SLC40A1: variants seen among roughly 807,000 people sequenced by gnomAD.
SLC40A1 encodes ferroportin.
Under a neutral mutation model 53.5 loss-of-function variants are expected in SLC40A1, and 16 were observed. That is an observed-to-expected ratio of 0.30 (90% CI 0.20 to 0.45). The LOEUF (loss-of-function observed/expected upper bound fraction) is 0.45. SLC40A1 is among the 20% of genes least tolerant of loss of function. SLC40A1 has a pLI of 1.00. For synonymous variants in SLC40A1, 247 were observed against 253.2 expected (o/e 0.98, Z 0.23); for missense variants, 545 against 695.4 (o/e 0.78, Z 2.43).
At chr2:189,573,525 C>T (rs1296786584) in intron 3 of SLC40A1, among the ~76,000 whole-genome samples, 3 of 152,178 alleles carry the variant, frequency 2.0e-5, no homozygotes, top group Non-Finnish European at 4.4e-5. Context: ...TCACAGATGG[C>T]AATTCTCTTA....
chr2:189,579,786 G>C (rs536804814), intron 2 of SLC40A1, 27 bp downstream of exon 2: 12 of 1,598,900 alleles, frequency 7.5e-6, no homozygotes, highest in Admixed American at 5.0e-5. Context: ...GCGCAACTGT[G>C]TTGTAAGACT....
intron 3 of SLC40A1, 73 bp from the exon 4 acceptor site, chr2:189,573,034 T>C (rs559264131): frequency 2.0e-6 from 2 of 1,020,210 alleles, no homozygotes; most frequent in African/African-American, 3.2e-5. Flanking sequence ...CCACACATAA[T>C]TGTTCTACTA....
At chr2:189,575,393 C>T in intron 2 of SLC40A1, 73 bp from the exon 3 acceptor site, 15 of 1,527,980 alleles carry the variant, frequency 9.8e-6, no homozygotes, top group Non-Finnish European at 1.3e-5. Flanking sequence ...GAAGTTGCTT[C>T]CTTATCAAAA....
chr2:189,576,086 C>T (rs568620751), intron 2 of SLC40A1, among the ~76,000 whole-genome samples: 3 of 152,196 alleles, frequency 2.0e-5, no homozygotes, highest in East Asian at 1.9e-4. Context: ...AGTTCATTAC[C>T]GTGAAATGTG....
chr2:189,561,689 C>T lies in SLC40A1; in HGVS notation c.*189G>A, dbSNP rs1559009322. The T allele has an allele frequency of 3.4e-6, 2 of 585,896 alleles. No homozygotes were observed. The highest frequency in any genetic ancestry group is 6.0e-6 in the Non-Finnish European group (2 of 332,282). The allele number at this position is 585,896 out of a possible 1,614,324, so 36.3% of individuals were successfully genotyped here. A position where few individuals can be genotyped will look rare whatever the true frequency, so the allele number is the denominator to read the frequency against. ...TTTCTTTTCCAATTTTTTTTCCATG[C>T]CTCAACATAAGGGAAATTAATCAGT... On this transcript the variant is annotated 3_prime_UTR_variant, in exon 8 of 8. Transcript: ENST00000261024.
In SLC40A1 at chr2:189,575,395, T is replaced by A. The variant is rs2031257913; in HGVS notation, c.112-75A>T. 2.4e-5 allele frequency: 35 copies of A among 1,482,696 alleles called. No individual in the cohort carries two copies. The South Asian group carries it at 3.9e-4, about 16-fold the overall frequency. The allele number at this position is 1,482,696 out of a possible 1,614,324, so 91.8% of individuals were successfully genotyped here. On this transcript the variant is annotated intron_variant, in intron 2 of 7. Transcript: ENST00000261024. ...CTATTGTACTCAGGAAGTTGCTTCCTTATCAAAAGGGCACTTCCTGGCTAC... is the reference window on the plus strand; with the variant it reads ...CTATTGTACTCAGGAAGTTGCTTCCATATCAAAAGGGCACTTCCTGGCTAC...
At position 189,575,422 on chromosome 2, in the gene SLC40A1, T is replaced by C. The variant is rs190830424; in HGVS notation, c.112-102A>G. The C allele has an allele frequency of 2.8e-6, 3 of 1,075,162 alleles. No homozygotes were observed. The East Asian group carries it at 7.4e-5, about 26-fold the overall frequency. The allele number at this position is 1,075,162 out of a possible 1,614,324, so 66.6% of individuals were successfully genotyped here. ...ATCAAAAGGGCACTTCCTGGCTACA[T>C]TATGAGACTTTCAAAGTCAGTAATT... On this transcript the variant is annotated intron_variant, in intron 2 of 7. Transcript: ENST00000261024.
intron 2 of SLC40A1, among the ~76,000 whole-genome samples, chr2:189,578,843 C>T (rs1157760609): frequency 6.6e-6 from 1 of 152,164 alleles, no homozygotes; most frequent in Non-Finnish European, 1.5e-5. Context: ...TGTAGCTTAA[C>T]AATTTCTCAA....
rs373811309 is a variant in SLC40A1, at chr2:189,560,823, A to G, written c.*1055T>C. The G allele has an allele frequency of 6.5e-6, 1 of 152,684 alleles. No individual in the cohort carries two copies. The highest frequency in any genetic ancestry group is 2.1e-4 in the South Asian group (1 of 4,834). 9.5% of individuals were successfully genotyped at this position (152,684 alleles called of 1,614,324 possible). A position where few individuals can be genotyped will look rare whatever the true frequency, so the allele number is the denominator to read the frequency against. ...GACTTTTAAAACAATTTTTTAAAAT[A>G]TATACAAACTTTTTTTCTTCTATTC... On this transcript the variant is annotated 3_prime_UTR_variant, in exon 8 of 8. Transcript: ENST00000261024.
chr2:189,577,505 G>C (rs1821987), intron 2 of SLC40A1, among the ~76,000 whole-genome samples: 74,570 of 151,936 alleles, frequency 0.49, 19,783 homozygotes, highest in East Asian at 0.73. Context: ...TCAGATATAA[G>C]CAACTGGCCC....
intron 4 of SLC40A1, 100 bp from the exon 5 acceptor site, chr2:189,571,941 T>A: frequency 1.2e-6 from 1 of 806,442 alleles, no homozygotes. Flanking sequence ...GGTGGAATGA[T>A]AAAAAAAGTA....
intron 4 of SLC40A1, 89 bp downstream of exon 4, chr2:189,572,756 CA>C (rs35134106): frequency 0.032 from 21,557 of 663,824 alleles, 41 homozygotes; most frequent in Middle Eastern, 0.059. Flanking sequence ...TCACACTGGC[CA>C]AAAAAAAAAA....
Position 189,561,858 on chromosome 2 carries a change from A to G in SLC40A1, c.*20T>C. 1 of 1,599,268 alleles carries G rather than the reference A, an allele frequency of 6.3e-7. No individual in the cohort carries two copies. The highest frequency in any genetic ancestry group is 8.6e-7 in the Non-Finnish European group (1 of 1,166,660). On this transcript the variant is annotated 3_prime_UTR_variant, in exon 8 of 8. Transcript: ENST00000261024. ...GTGCTCTATATAATCTAGTAACAGG[A>G]TAGCAACAGTTAAACTGTCTCAAAC...
chr2:189,561,831 A>T lies in SLC40A1; in HGVS notation c.*47T>A, dbSNP rs1233543904. On this transcript the variant is annotated 3_prime_UTR_variant, in exon 8 of 8. Coordinates refer to ENST00000261024, the MANE Select transcript of SLC40A1 (RefSeq NM_014585.6). ...GAATTCTGCAGTACAAAATAAGCAC[A>T]TGTGCTCTATATAATCTAGTAACAG... 6.7e-7 allele frequency: 1 copy of T among 1,491,212 alleles called. No individual in the cohort carries two copies. Among genetic ancestry groups the T allele is most frequent in the South Asian group, 1.1e-5 (1 of 88,204 alleles). 92.4% of individuals were successfully genotyped at this position (1,491,212 alleles called of 1,614,324 possible).
chr2:189,571,489 T>C (rs935083408), intron 5 of SLC40A1, among the ~76,000 whole-genome samples: 18 of 151,992 alleles, frequency 1.2e-4, no homozygotes, highest in Admixed American at 3.9e-4. Context: ...TTTGCCAAGT[T>C]TGTGTAGGAT....
chr2:189,578,250 C>A, intron 2 of SLC40A1: 1 of 999,108 alleles, frequency 1.0e-6, no homozygotes. Context: ...TTTTGCACTC[C>A]TTTGCAGCGG....
chr2:189,574,089 A>G (rs2031216852), intron 3 of SLC40A1, among the ~76,000 whole-genome samples: 1 of 152,164 alleles, frequency 6.6e-6, no homozygotes, highest in South Asian at 2.1e-4. Context: ...ATCAGGAAAC[A>G]TTTTTCATAA....
At chr2:189,577,615 C>CTTTTT (rs11419650) in intron 2 of SLC40A1, among the ~76,000 whole-genome samples, 1 of 133,540 alleles carries the variant, frequency 7.5e-6, no homozygotes, top group Admixed American at 7.7e-5. Context: ...ATAGTATCCA[C>CTTTTT]TTTTTTTTTT....
intron 2 of SLC40A1, among the ~76,000 whole-genome samples, chr2:189,575,699 G>A (rs568603627): frequency 6.6e-6 from 1 of 152,314 alleles, no homozygotes; most frequent in African/African-American, 2.4e-5. Flanking sequence ...GCATAAAGTA[G>A]TTTGCTATTG....
Sources: gnomAD v4.1 joint callset for allele counts (sites outside exome capture counted in the v4.1 genomes callset) on GRCh38, gnomAD v4.1.1 for gene constraint, MANE v1.5 for transcripts, NCBI Gene and HGNC (gene_info 2026-07-23, HGNC 2026-07-21) for gene names.